RXRA: variants seen among roughly 807,000 people sequenced by gnomAD.
RXRA encodes retinoic acid receptor RXR-alpha.
RXRA carries 5 observed loss-of-function variants against 44.5 expected under a neutral mutation model. The ratio of observed to expected loss-of-function variants is 0.11; its 90% confidence interval spans 0.06 to 0.24. The LOEUF is 0.24. Among genes scored for constraint, RXRA ranks in the 10% least tolerant of loss-of-function variants. RXRA has a pLI of 1.00. For synonymous variants in RXRA, 291 were observed against 271.4 expected, an observed-to-expected ratio of 1.07 and a Z score of -0.71; for missense variants, 412 against 646.5, an observed-to-expected ratio of 0.64 and a Z score of 3.93.
At chr9:134,361,393 C>G (rs1830350040) in intron 1 of RXRA, among the ~76,000 whole-genome samples, 1 of 152,192 alleles carries the variant, frequency 6.6e-6, no homozygotes, top group Non-Finnish European at 1.5e-5. Context: ...CCCTGGGCAT[C>G]TCCTGTGGGG....
chr9:134,406,517 G>A (rs1831052949), intron 2 of RXRA: 1 of 152,238 alleles, frequency 6.6e-6, no homozygotes, highest in Non-Finnish European at 1.5e-5. Context: ...GAACGTAGGA[G>A]GCAGGCAGAA....
Position 134,366,665 on chromosome 9 carries a change from A to T in RXRA, c.29-34967A>T, listed in dbSNP as rs1387415962. Among the ~76,000 whole-genome samples the T allele has an allele frequency of 6.6e-6, 1 of 152,088 alleles. No homozygotes were observed. Among genetic ancestry groups the T allele is most frequent in the Non-Finnish European group, 1.5e-5 (1 of 68,004 alleles). On this transcript the variant is annotated intron_variant, in intron 1 of 9. Transcript: ENST00000481739. This position sits in a 1 kb window ranked among gnomAD's most constrained non-coding sequence, Gnocchi z 5.9. ...GTGAGGAGCTGGGTGGGGCTGGAGA[A>T]ATCAGCTCCCGCCAGCCTGATCTTC...
At chr9:134,383,861 G>A (rs1588277759) in intron 1 of RXRA, among the ~76,000 whole-genome samples, 1 of 152,318 alleles carries the variant, frequency 6.6e-6, no homozygotes, top group Middle Eastern at 3.4e-3. Context: ...CCGATGTGCA[G>A]GGAGCTGGAA....
intron 1 of RXRA, among the ~76,000 whole-genome samples, chr9:134,341,677 C>G (rs782463752): frequency 6.6e-6 from 1 of 152,180 alleles, no homozygotes; most frequent in Non-Finnish European, 1.5e-5. Context: ...TGGCAGAGCT[C>G]CTCTCTTTCT....
intron 1 of RXRA, among the ~76,000 whole-genome samples, chr9:134,391,350 G>A (rs938173717): frequency 6.6e-5 from 10 of 152,178 alleles, no homozygotes; most frequent in African/African-American, 2.4e-4. Context: ...TGGAAAGCCT[G>A]GCCGTTCCAC....
chr9:134,328,247 G>A (rs1185037913), intron 1 of RXRA, among the ~76,000 whole-genome samples: 3 of 152,224 alleles, frequency 2.0e-5, no homozygotes, highest in Non-Finnish European at 4.4e-5. Context: ...GCCCCTGGAC[G>A]TGGCAGGGGC....
Position 134,395,177 on chromosome 9 carries a change from C to G in RXRA, c.29-6455C>G, listed in dbSNP as rs543240023. Among the ~76,000 whole-genome samples the G allele has an allele frequency of 1.7e-4, 26 of 152,372 alleles. No individual in the cohort carries two copies. The East Asian group carries it at 4.8e-3, about 28-fold the overall frequency. On this transcript the variant is annotated intron_variant, in intron 1 of 9. Transcript: ENST00000481739. ...GCCTGTCTGTGCTGGCTCTGCAACC[C>G]CGGTCACTCCGAACTCCCACATGTC...
chr9:134,383,799 A>C (rs1830680511), intron 1 of RXRA, among the ~76,000 whole-genome samples: 1 of 152,150 alleles, frequency 6.6e-6, no homozygotes, highest in South Asian at 2.1e-4. Context: ...GAACCGTCCC[A>C]TGCCCTTGTC....
At position 134,365,433 on chromosome 9, in the gene RXRA, G is replaced by C. The variant is rs7862375; in HGVS notation, c.29-36199G>C. Among the ~76,000 whole-genome samples, 4,876 of 152,284 alleles carry C rather than the reference G, an allele frequency of 0.032. 258 individuals are homozygous for C. Among genetic ancestry groups the C allele is most frequent in the African/African-American group, 0.11 (4,508 of 41,554 alleles). ...CGGGTAACGCTCGTGGTGTGTCCTG[G>C]TGTGAGACCCGGTGTTCTTGGCTGA... On this transcript the variant is annotated intron_variant, in intron 1 of 9. Transcript: ENST00000481739. The surrounding 1 kb of genome is among the most constrained non-coding windows in gnomAD (Gnocchi z 4.0).
Position 134,343,416 on chromosome 9 carries a change from G to A in RXRA, c.28+16757G>A, listed in dbSNP as rs1251344845. ...TCTGGGGGTTCATGCAGGATTGCCC[G>A]TCAGCATCCTGCAGCCCCTGGAATA... On this transcript the variant is annotated intron_variant, in intron 1 of 9. Coordinates refer to ENST00000481739, the MANE Select transcript of RXRA (RefSeq NM_002957.6). The surrounding 1 kb of genome is among the most constrained non-coding windows in gnomAD (Gnocchi z 4.1). Among the ~76,000 whole-genome samples, 3 of 152,140 alleles carry A rather than the reference G, an allele frequency of 2.0e-5. No individual in the cohort carries two copies. The highest frequency in any genetic ancestry group is 2.1e-4 in the South Asian group (1 of 4,830).
intron 1 of RXRA, among the ~76,000 whole-genome samples, chr9:134,354,427 C>G (rs1332746779): frequency 6.6e-6 from 1 of 152,200 alleles, no homozygotes; most frequent in Non-Finnish European, 1.5e-5. Flanking sequence ...GGTGGTGGAA[C>G]GAATGAACTC....
intron 1 of RXRA, among the ~76,000 whole-genome samples, chr9:134,335,897 C>G (rs973516604): frequency 3.3e-5 from 5 of 152,322 alleles, no homozygotes; most frequent in African/African-American, 1.2e-4. Context: ...CCCTGCCTCT[C>G]CCTGTGGGCA....
chr9:134,390,628 T>A (rs1041620169), intron 1 of RXRA, among the ~76,000 whole-genome samples: 1 of 152,092 alleles, frequency 6.6e-6, no homozygotes, highest in African/African-American at 2.4e-5. Flanking sequence ...CAACTCTGGG[T>A]GCAGTTGAGC....
chr9:134,426,941 A>G lies in RXRA; in HGVS notation c.911-2167A>G. 9.1e-6 allele frequency: 9 copies of G among 985,314 alleles called. No individual in the cohort carries two copies. The highest frequency in any genetic ancestry group is 1.1e-5 in the Non-Finnish European group (9 of 829,910). 61.0% of individuals were successfully genotyped at this position (985,314 alleles called of 1,614,324 possible). A position where few individuals can be genotyped will look rare whatever the true frequency, so the allele number is the denominator to read the frequency against. On this transcript the variant is annotated intron_variant, in intron 6 of 9. Transcript: ENST00000481739. The surrounding 1 kb of genome is among the most constrained non-coding windows in gnomAD (Gnocchi z 4.6). ...CTTTCCTAGGAGAGCATTTGCTCTCACTGGATGTCAGACCCAGTGCCTCTC... is the reference window on the plus strand; with the variant it reads ...CTTTCCTAGGAGAGCATTTGCTCTCGCTGGATGTCAGACCCAGTGCCTCTC...
intron 1 of RXRA, among the ~76,000 whole-genome samples, chr9:134,375,766 G>A (rs1830548043): frequency 6.6e-6 from 1 of 152,042 alleles, no homozygotes; most frequent in African/African-American, 2.4e-5. Flanking sequence ...CCCTGGTGCG[G>A]AGTAGGAGGG....
At position 134,440,223 on chromosome 9, in the gene RXRA, C is replaced by G. The variant is rs1355642848; in HGVS notation, c.*3609C>G. 6.6e-6 allele frequency: 1 copy of G among 152,096 alleles called. No individual in the cohort carries two copies. The highest frequency in any genetic ancestry group is 2.4e-5 in the African/African-American group (1 of 41,398). The allele number at this position is 152,096 out of a possible 1,614,324, so 9.4% of individuals were successfully genotyped here. A position where few individuals can be genotyped will look rare whatever the true frequency, so the allele number is the denominator to read the frequency against. On this transcript the variant is annotated 3_prime_UTR_variant, in exon 10 of 10. Coordinates refer to ENST00000481739, the MANE Select transcript of RXRA (RefSeq NM_002957.6). ...AGGTGAAAGCTTCGTCCGAGAAACGCCAGGACAGACGATGGCAGAGGAGAG... is the reference window on the plus strand; with the variant it reads ...AGGTGAAAGCTTCGTCCGAGAAACGGCAGGACAGACGATGGCAGAGGAGAG...
intron 1 of RXRA, among the ~76,000 whole-genome samples, chr9:134,398,392 G>A (rs1830911429): frequency 1.3e-5 from 2 of 151,792 alleles, no homozygotes; most frequent in African/African-American, 2.4e-5. Flanking sequence ...CCTTTGCTGT[G>A]AGTAGAGGAT....
intron 1 of RXRA, among the ~76,000 whole-genome samples, chr9:134,385,746 G>A (rs191761587): frequency 1.3e-5 from 2 of 152,370 alleles, no homozygotes; most frequent in East Asian, 1.9e-4. Context: ...CCTGCATGCC[G>A]GCTGGCACCA....
At chr9:134,412,313 T>G (rs1831162570) in intron 4 of RXRA, among the ~76,000 whole-genome samples, 1 of 152,222 alleles carries the variant, frequency 6.6e-6, no homozygotes, top group Non-Finnish European at 1.5e-5. Flanking sequence ...TGGTGTCAAG[T>G]GGTCCCTCGG....
Sources: gnomAD v4.1 joint callset for allele counts (sites outside exome capture counted in the v4.1 genomes callset) on GRCh38, gnomAD v4.1.1 for gene constraint, Gnocchi (gnomAD v3.1) non-coding constraint, MANE v1.5 for transcripts, NCBI Gene and HGNC (gene_info 2026-07-23, HGNC 2026-07-21) for gene names.